AQR: variants seen among roughly 807,000 people sequenced by gnomAD.
The protein encoded by AQR is RNA helicase aquarius.
Under a neutral mutation model 180.5 loss-of-function variants are expected in AQR, and 61 were observed. The ratio of observed to expected loss-of-function variants is 0.34; its 90% CI spans 0.28 to 0.42. AQR has a LOEUF of 0.42. Ranked by LOEUF, AQR falls within the 10% of genes least tolerant of loss-of-function variation. The pLI, the probability that AQR is intolerant of heterozygous loss-of-function variation, is 1.00. For synonymous variants in AQR, 551 were observed against 588.8 expected (o/e 0.94, Z 0.93); for missense variants, 1,281 against 1,798.3 (o/e 0.71, Z 5.20).
rs1893667879 is a variant in AQR at position 34,920,534 on chromosome 15, T to C, written c.1119-100A>G. 6.1e-6 allele frequency: 5 copies of C among 823,116 alleles called. No homozygotes were observed. In the Admixed American group the frequency reaches 8.2e-5, roughly 13 times the overall value. 51.0% of individuals were successfully genotyped at this position (823,116 alleles called of 1,614,324 possible). On this transcript the variant is annotated intron_variant, in intron 13 of 34. Coordinates refer to ENST00000156471, the MANE Select transcript of AQR (RefSeq NM_014691.3). ...TAGCTTAAAAAAGCAAATATAATACTATGACATGGGCAGCAAATATCAAAA... is the reference window on the plus strand; with the variant it reads ...TAGCTTAAAAAAGCAAATATAATACCATGACATGGGCAGCAAATATCAAAA...
chr15:34,967,284 G>A (rs2050314830), intron 1 of AQR, among the ~76,000 whole-genome samples: 1 of 152,102 alleles, frequency 6.6e-6, no homozygotes, highest in African/African-American at 2.4e-5. Flanking sequence ...TTGCATTCAG[G>A]TGTTAGCTCA....
At position 34,856,900 on chromosome 15, in the gene AQR, G is replaced by A. The variant is rs1248476862; in HGVS notation, c.4350C>T (p.Ala1450=). 1 of 1,614,052 alleles carries A rather than the reference G, an allele frequency of 6.2e-7. No individual in the cohort carries two copies. Among genetic ancestry groups the A allele is most frequent in the Non-Finnish European group, 8.5e-7 (1 of 1,179,984 alleles). ...SETGATSTPE[A]IPALSETTPT... Reference sequence around the variant, plus strand: ...GGGTGGTCTCAGATAAAGCAGGGATGGCTTCTGGAGTGGAAGTGGCTCCTG... The same window carrying A: ...GGGTGGTCTCAGATAAAGCAGGGATAGCTTCTGGAGTGGAAGTGGCTCCTG... Residue 1450 remains alanine (A), a synonymous_variant, in exon 35 of 35, where the codon GCC becomes GCT. Transcript: ENST00000156471.
intron 1 of AQR, among the ~76,000 whole-genome samples, chr15:34,967,011 G>C (rs186793093): frequency 8.0e-4 from 121 of 151,538 alleles, no homozygotes; most frequent in Non-Finnish European, 1.4e-3. Flanking sequence ...TGAGTAGCTG[G>C]GATTACAGGC....
At chr15:34,915,819 G>A (rs1229539283) in intron 15 of AQR, among the ~76,000 whole-genome samples, 16 of 151,902 alleles carry the variant, frequency 1.1e-4, no homozygotes, top group African/African-American at 2.7e-4. Flanking sequence ...CATGGCGGGC[G>A]CCTGTAATCC....
chr15:34,920,749 G>A (rs1353633008), intron 13 of AQR, among the ~76,000 whole-genome samples: 1 of 152,140 alleles, frequency 6.6e-6, no homozygotes, highest in Non-Finnish European at 1.5e-5. Context: ...CCGGGGTCAG[G>A]AGATCGAGAC....
intron 18 of AQR, among the ~76,000 whole-genome samples, chr15:34,905,190 C>T (rs1893392690): frequency 6.6e-6 from 1 of 151,936 alleles, no homozygotes; most frequent in African/African-American, 2.4e-5. Context: ...ATTCCCTTCT[C>T]CTATTTCCTC....
At position 34,860,136 on chromosome 15, in the gene AQR, T is replaced by C; in HGVS notation, c.4049A>G (p.His1350Arg). 2 of 1,518,884 alleles carry C rather than the reference T, an allele frequency of 1.3e-6. No individual in the cohort carries two copies. The highest frequency in any genetic ancestry group is 8.9e-7 in the Non-Finnish European group (1 of 1,122,494). 94.1% of individuals were successfully genotyped at this position (1,518,884 alleles called of 1,614,324 possible). A position where few individuals can be genotyped will look rare whatever the true frequency, so the allele number is the denominator to read the frequency against. The change falls in exon 34 of 35, where the codon CAT (histidine) becomes CGT (arginine). Residue 1350 changes from histidine (H) to arginine (R), a missense_variant. Physicochemically the swap from His to Arg is conservative, Grantham distance 29 (BLOSUM62 0). Transcript: ENST00000156471. ...CATATTTTTTATTATTTGTACTTCATGAGATGGTCTCTCTCCATTCTAGAA... is the reference window on the plus strand; with the variant it reads ...CATATTTTTTATTATTTGTACTTCACGAGATGGTCTCTCTCCATTCTAGAA... ...TTRKNGERPS[H>R]EVQIIKNMPQ...
At chr15:34,879,826 T>C (rs899036894) in intron 27 of AQR, among the ~76,000 whole-genome samples, 1 of 151,846 alleles carries the variant, frequency 6.6e-6, no homozygotes, top group African/African-American at 2.4e-5. Context: ...GCAGGCAGAG[T>C]TAAGAGGGTG....
intron 24 of AQR, among the ~76,000 whole-genome samples, chr15:34,888,414 T>C (rs1054712075): frequency 2.0e-5 from 3 of 149,552 alleles, no homozygotes; most frequent in African/African-American, 4.9e-5. Context: ...AAAAGCAACA[T>C]AAGGCTGGGC....
chr15:34,968,199 G>A (rs1380573344), intron 1 of AQR, among the ~76,000 whole-genome samples: 4 of 151,834 alleles, frequency 2.6e-5, no homozygotes, highest in Non-Finnish European at 5.9e-5. Context: ...CTGGAGCCCA[G>A]CCAACATAGT....
intron 31 of AQR, chr15:34,869,286 G>A (rs1157347375): frequency 2.6e-5 from 4 of 151,838 alleles, no homozygotes; most frequent in African/African-American, 7.3e-5. Context: ...TTTTCATGAC[G>A]TATTGGCTAC....
intron 24 of AQR, among the ~76,000 whole-genome samples, chr15:34,887,110 G>C (rs1320001779): frequency 6.6e-6 from 1 of 151,010 alleles, no homozygotes; most frequent in Non-Finnish European, 1.5e-5. Flanking sequence ...GGGCGACAAA[G>C]CAAGACTCCG....
chr15:34,904,789 T>C lies in AQR; in HGVS notation c.1832-284A>G, dbSNP rs141081867. Among the ~76,000 whole-genome samples, 8 of 152,102 alleles carry C rather than the reference T, an allele frequency of 5.3e-5. No individual in the cohort carries two copies. The East Asian group carries it at 5.8e-4, about 11-fold the overall frequency. ...AATTTGTACACACACTCAACTAAAA[T>C]AGGAGTACTTAGAAGTCAAAGAACT... On this transcript the variant is annotated intron_variant, in intron 18 of 34. Transcript: ENST00000156471.
intron 4 of AQR, among the ~76,000 whole-genome samples, chr15:34,951,011 T>G (rs1421293991): frequency 6.6e-6 from 1 of 152,216 alleles, no homozygotes; most frequent in East Asian, 1.9e-4. Context: ...GTCAATGATT[T>G]GCCTGATTAC....
chr15:34,876,070 T>A, intron 27 of AQR, 64 bp from the exon 28 acceptor site: 1 of 1,221,256 alleles, frequency 8.2e-7, no homozygotes. Context: ...ATCATAAACA[T>A]AATCATCAAA....
At chr15:34,913,970 T>C (rs190792118) in intron 16 of AQR, among the ~76,000 whole-genome samples, 14 of 152,282 alleles carry the variant, frequency 9.2e-5, no homozygotes, top group Admixed American at 8.5e-4. Context: ...AATTAAAAAA[T>C]AGAACTCTCT....
At position 34,906,536 on chromosome 15, in the gene AQR, T is replaced by TCAC. The variant is rs765805130; in HGVS notation, c.1831+6_1831+8dup. 3.1e-6 allele frequency: 5 copies of TCAC among 1,613,360 alleles called. No homozygotes were observed. In the East Asian group the frequency reaches 1.1e-4, roughly 36 times the overall value. ...ACACATACTCTTTCAAAAATATAGGTCACCATACCATCTTCAATGACACGT... is the reference window on the plus strand; with the variant it reads ...ACACATACTCTTTCAAAAATATAGGTCACCACCATACCATCTTCAATGACACGT... On this transcript the variant is annotated intron_variant, in intron 18 of 34. Coordinates refer to ENST00000156471, the MANE Select transcript of AQR (RefSeq NM_014691.3).
Position 34,859,840 on chromosome 15 carries a change from C to T in AQR, c.4143+202G>A, listed in dbSNP as rs527806917. The stretch of plus-strand genomic sequence containing the variant: ...ATGCCAGAACATATAAAATTTTACA[C>T]TTTAAGTTTGTGGACTTTATTGTAT... On this transcript the variant is annotated intron_variant, in intron 34 of 34. Coordinates refer to ENST00000156471, the MANE Select transcript of AQR (RefSeq NM_014691.3). 1.0e-3 allele frequency among the ~76,000 whole-genome samples: 154 copies of T among 152,218 alleles called. 1 individual carries two copies. The highest frequency in any genetic ancestry group is 3.6e-3 in the African/African-American group (148 of 41,546).
In AQR at chr15:34,925,895, G is replaced by A. The variant is rs76282791; in HGVS notation, c.1118+1140C>T. Among the ~76,000 whole-genome samples, 566 of 152,110 alleles carry A rather than the reference G, an allele frequency of 3.7e-3. 19 individuals are homozygous for A. Among genetic ancestry groups the A allele is most frequent in the Admixed American group, 0.026 (392 of 15,282 alleles). ...AACTTTTAAAAAAATAAGGCCGGGC[G>A]CGGTGGCTCATGCCTGTAATCCCGG... On this transcript the variant is annotated intron_variant, in intron 13 of 34. Coordinates refer to ENST00000156471, the MANE Select transcript of AQR (RefSeq NM_014691.3).
Sources: gnomAD v4.1 joint callset for allele counts (sites outside exome capture counted in the v4.1 genomes callset) on GRCh38, gnomAD v4.1.1 for gene constraint, MANE v1.5 for transcripts, NCBI Gene and HGNC (gene_info 2026-07-23, HGNC 2026-07-21) for gene names.